Variants in LIN7A observed in about 807,000 individuals in gnomAD.
LIN7A encodes the protein lin-7 cell polarity scaffold A, also known as protein lin-7 homolog A.
A neutral mutation model predicts 29.8 loss-of-function variants in LIN7A; 25 were observed. That is an observed-to-expected ratio of 0.84 (90% CI 0.61 to 1.17). The LOEUF (loss-of-function observed/expected upper bound fraction) is 1.17. LIN7A is among the 50% of genes most tolerant of loss of function. LIN7A has a pLI of 0.00. For missense variants in LIN7A, 239 were observed against 287.0 expected (o/e 0.83, Z 1.21); for synonymous variants, 118 against 107.5 (o/e 1.10, Z -0.60).
At chr12:80,864,588 G>A (rs567391265) in intron 2 of LIN7A, among the ~76,000 whole-genome samples, 5 of 152,164 alleles carry the variant, frequency 3.3e-5, no homozygotes, top group South Asian at 2.1e-4. Flanking sequence ...CACTGAATGC[G>A]GCTTGTCTCA....
intron 2 of LIN7A, among the ~76,000 whole-genome samples, chr12:80,853,393 T>C (rs1016740924): frequency 6.6e-6 from 1 of 151,824 alleles, no homozygotes; most frequent in African/African-American, 2.4e-5. Flanking sequence ...ACAAGCCAAC[T>C]GGCAGAAAAT....
intron 4 of LIN7A, among the ~76,000 whole-genome samples, chr12:80,830,792 G>A (rs536475932): frequency 1.7e-3 from 252 of 152,164 alleles, no homozygotes; most frequent in Non-Finnish European, 3.1e-3. Context: ...AAGACTTGGT[G>A]TTGACACTTT....
chr12:80,874,904 G>T (rs1365279729), intron 2 of LIN7A, among the ~76,000 whole-genome samples: 1 of 152,176 alleles, frequency 6.6e-6, no homozygotes. Context: ...GGGAGGCTGA[G>T]GCAGGAGAAT....
chr12:80,851,694 A>G (rs74105736), intron 2 of LIN7A, among the ~76,000 whole-genome samples: 4,505 of 152,236 alleles, frequency 0.03, 206 homozygotes, highest in African/African-American at 0.1. Context: ...TGAGGGGCTT[A>G]TACGTGGGGC....
At chr12:80,841,911 C>T (rs1474385293) in intron 4 of LIN7A, 1 of 1,037,040 alleles carries the variant, frequency 9.6e-7, no homozygotes, top group African/African-American at 1.7e-5. Flanking sequence ...AATTTTAATT[C>T]AGCATTCAGT....
At chr12:80,856,281 C>T (rs1054262544) in intron 2 of LIN7A, among the ~76,000 whole-genome samples, 12 of 152,002 alleles carry the variant, frequency 7.9e-5, no homozygotes, top group African/African-American at 2.2e-4. Context: ...TGTCACCCGT[C>T]GGACAAGAAA....
chr12:80,870,740 G>C (rs1013292372), intron 2 of LIN7A, among the ~76,000 whole-genome samples: 2 of 152,198 alleles, frequency 1.3e-5, no homozygotes, highest in Non-Finnish European at 2.9e-5. Context: ...ACTATCGCCA[G>C]ACTATGTATA....
At chr12:80,889,539 T>C (rs1022441932) in intron 1 of LIN7A, among the ~76,000 whole-genome samples, 170 bp from the exon 2 acceptor site, 1 of 152,190 alleles carries the variant, frequency 6.6e-6, no homozygotes, top group Admixed American at 6.6e-5. Context: ...AAAAAGTCAT[T>C]TTAATTTGTT....
intron 2 of LIN7A, among the ~76,000 whole-genome samples, chr12:80,874,364 A>G (rs1312895925): frequency 1.3e-5 from 2 of 152,228 alleles, no homozygotes; most frequent in Non-Finnish European, 2.9e-5. Flanking sequence ...TAAAGTTTGG[A>G]CTTAAAAATA....
At chr12:80,867,362 C>G (rs1874195930) in intron 2 of LIN7A, among the ~76,000 whole-genome samples, 2 of 152,166 alleles carry the variant, frequency 1.3e-5, no homozygotes, top group Non-Finnish European at 2.9e-5. Flanking sequence ...GGAAATTAGA[C>G]CATGACCCCT....
chr12:80,859,418 A>G (rs1873758023), intron 2 of LIN7A, among the ~76,000 whole-genome samples: 2 of 152,190 alleles, frequency 1.3e-5, no homozygotes, highest in African/African-American at 4.8e-5. Flanking sequence ...AGACAGCTGC[A>G]TATGCAGGTC....
At chr12:80,820,431 T>G (rs12810537) in intron 4 of LIN7A, among the ~76,000 whole-genome samples, 1 of 152,240 alleles carries the variant, frequency 6.6e-6, no homozygotes, top group South Asian at 2.1e-4. Context: ...TAGAAAAAGA[T>G]CAGTGCCTTC....
chr12:80,801,888 T>C (rs1274444284), intron 5 of LIN7A, among the ~76,000 whole-genome samples: 1 of 150,222 alleles, frequency 6.7e-6, no homozygotes, highest in Non-Finnish European at 1.5e-5. Flanking sequence ...TCTACTTCTA[T>C]GAGTCTAACT....
intron 4 of LIN7A, among the ~76,000 whole-genome samples, chr12:80,830,645 T>G (rs1872300980): frequency 6.6e-6 from 1 of 152,168 alleles, no homozygotes; most frequent in Admixed American, 6.6e-5. Context: ...TTTTTTTAAT[T>G]AGAAAAAAAC....
chr12:80,894,912 G>A (rs1163666), intron 1 of LIN7A, among the ~76,000 whole-genome samples: 103,358 of 152,058 alleles, frequency 0.68, 39,130 homozygotes, highest in Non-Finnish European at 0.87. Flanking sequence ...AGAAAGATGA[G>A]TCATCTGGCC....
chr12:80,804,059 A>G (rs1346885127), intron 5 of LIN7A, among the ~76,000 whole-genome samples: 1 of 152,036 alleles, frequency 6.6e-6, no homozygotes, highest in African/African-American at 2.4e-5. Context: ...TTCAGTTTCC[A>G]CTTTATTTTT....
intron 4 of LIN7A, among the ~76,000 whole-genome samples, chr12:80,824,263 A>G (rs1403566870): frequency 6.6e-6 from 1 of 152,196 alleles, no homozygotes; most frequent in East Asian, 1.9e-4. Context: ...TAGAAAACCT[A>G]GAGGAGATGG....
intron 2 of LIN7A, among the ~76,000 whole-genome samples, chr12:80,870,113 A>T (rs1209497960): frequency 6.6e-6 from 1 of 152,158 alleles, no homozygotes; most frequent in Admixed American, 6.5e-5. Context: ...TTCTCCTAGG[A>T]TCTCAATGCA....
intron 1 of LIN7A, among the ~76,000 whole-genome samples, chr12:80,931,005 A>G (rs769792945): frequency 6.6e-6 from 1 of 152,228 alleles, no homozygotes; most frequent in Non-Finnish European, 1.5e-5. Context: ...GATGGAAAGT[A>G]TATCCTAACA....
Sources: allele counts gnomAD v4.1 joint callset (sites outside exome capture counted in the v4.1 genomes callset), GRCh38; gene constraint gnomAD v4.1.1; transcripts MANE v1.5; gene names NCBI Gene and HGNC (gene_info 2026-07-23, HGNC 2026-07-21).